NGEF: variants seen among roughly 807,000 people sequenced by gnomAD.
The protein encoded by NGEF is ephexin-1.
In NGEF, 31 loss-of-function variants were observed where a neutral mutation model predicts 80.9. The ratio of observed to expected loss-of-function variants is 0.38; its 90% CI spans 0.29 to 0.52. NGEF has a LOEUF of 0.52. Ranked by LOEUF, NGEF falls within the 20% of genes least tolerant of loss-of-function variation. The pLI, the probability that NGEF is intolerant of heterozygous loss-of-function variation, is 0.84. For synonymous variants in NGEF, 371 were observed against 370.2 expected, an observed-to-expected ratio of 1.00 and a Z score of -0.03; for missense variants, 709 against 926.2, an observed-to-expected ratio of 0.77 and a Z score of 3.04.
chr2:232,972,417 A>G lies in NGEF; in HGVS notation c.269-2089T>C, dbSNP rs149419251. 2.9e-3 allele frequency among the ~76,000 whole-genome samples: 439 copies of G among 152,330 alleles called. 6 individuals are homozygous for G. The highest frequency in any genetic ancestry group is 0.02 in the East Asian group (102 of 5,194). On this transcript the variant is annotated intron_variant, in intron 2 of 14. Transcript: ENST00000264051. ...TCACCCATTTATTTGTACTTTTTAAATGTGGCCACTGGAAAATTTAAAATG... is the reference window on the plus strand; with the variant it reads ...TCACCCATTTATTTGTACTTTTTAAGTGTGGCCACTGGAAAATTTAAAATG...
intron 3 of NGEF, among the ~76,000 whole-genome samples, chr2:232,966,762 G>A (rs1210565463): frequency 6.6e-6 from 1 of 152,112 alleles, no homozygotes; most frequent in African/African-American, 2.4e-5. Context: ...TACTACCAGG[G>A]CCCTTCCTTG....
intron 1 of NGEF, among the ~76,000 whole-genome samples, chr2:232,994,980 A>G (rs189598781): frequency 1.6e-5 from 2 of 121,232 alleles, no homozygotes; most frequent in African/African-American, 5.4e-5. Context: ...GTACATATAC[A>G]TATATGTATA....
At chr2:232,970,388 T>A in intron 2 of NGEF, 60 bp from the exon 3 acceptor site, 1 of 1,125,166 alleles carries the variant, frequency 8.9e-7, no homozygotes. Context: ...TTCAGGCAAT[T>A]CTCTGTAAGC....
chr2:232,968,105 T>TTTTTTTTTTTTTTTTTTTTTTA (rs1694102814), intron 3 of NGEF, among the ~76,000 whole-genome samples: 1 of 151,072 alleles, frequency 6.6e-6, no homozygotes, highest in African/African-American at 2.5e-5. Flanking sequence ...TTTTTTTTTT[T>TTTTTTTTTTTTTTTTTTTTTTA]GAGACAAAGT....
At chr2:232,945,267 T>C (rs549722498) in intron 3 of NGEF, among the ~76,000 whole-genome samples, 1 of 152,206 alleles carries the variant, frequency 6.6e-6, no homozygotes, top group African/African-American at 2.4e-5. Context: ...AGGTCTATTC[T>C]AGGACTAAAA....
intron 1 of NGEF, among the ~76,000 whole-genome samples, chr2:232,988,023 G>T (rs1025105987): frequency 2.7e-5 from 4 of 146,852 alleles, no homozygotes; most frequent in African/African-American, 1.0e-4. Flanking sequence ...CACCCTTCTG[G>T]AAGGGATGGT....
At chr2:232,974,466 T>G (rs1316834587) in intron 2 of NGEF, among the ~76,000 whole-genome samples, 157 bp downstream of exon 2, 1 of 152,228 alleles carries the variant, frequency 6.6e-6, no homozygotes. Context: ...GAATTTGGGT[T>G]CTTTAGATAA....
At chr2:232,928,367 G>A (rs1442720781) in intron 3 of NGEF, among the ~76,000 whole-genome samples, 7 of 151,518 alleles carry the variant, frequency 4.6e-5, no homozygotes, top group Non-Finnish European at 8.8e-5. Context: ...ACCCGGAGAG[G>A]GGCAGAGCTG....
At chr2:232,886,141 C>CTG (rs59839562) in intron 9 of NGEF, among the ~76,000 whole-genome samples, 11 of 97,940 alleles carry the variant, frequency 1.1e-4, no homozygotes, top group Admixed American at 2.2e-4. Context: ...GCAGTGTGTG[C>CTG]TGTGTATGCA....
At chr2:232,890,819 C>A in intron 8 of NGEF, 1 of 444,098 alleles carries the variant, frequency 2.3e-6, no homozygotes. Flanking sequence ...TGACTCCCAT[C>A]ACACTGAGGA....
rs749593634 is a variant in NGEF, at chr2:232,974,922, G to A, written c.-32C>T. ...AGAGCCAGATGTTTCTCAGCAGAAC[G>A]ACTGGAGGTCAATGACTTTCCCAAG... is the stretch of plus-strand genomic sequence containing the variant. On this transcript the variant is annotated 5_prime_UTR_variant, in exon 2 of 15. Transcript: ENST00000264051. 7 of 1,598,328 alleles carry A rather than the reference G, an allele frequency of 4.4e-6. No individual in the cohort carries two copies. Among genetic ancestry groups the A allele is most frequent in the East Asian group, 4.5e-5 (2 of 44,784 alleles).
In NGEF at chr2:232,920,564, C is replaced by T. The variant is rs756180289; in HGVS notation, c.548G>A (p.Arg183Gln). 7.2e-6 allele frequency: 11 copies of T among 1,527,598 alleles called. No individual in the cohort carries two copies. The highest frequency in any genetic ancestry group is 6.9e-5 in the East Asian group (3 of 43,540). 94.6% of individuals were successfully genotyped at this position (1,527,598 alleles called of 1,614,324 possible). ...GATTTCTTGGAGAGTCGATTTATCT[C>T]GGTATTCCTGATACAGGAGCCCTGA... is the stretch of plus-strand genomic sequence containing the variant. ...EQIGLLYQEYRDKSTLQEIET... is the reference protein window; with the variant it reads ...EQIGLLYQEYQDKSTLQEIET... The change falls in exon 5 of 15, where the codon CGA becomes CAA. Residue 183 changes from arginine (R) to glutamine (Q), a missense_variant. Coordinates refer to ENST00000264051, the MANE Select transcript of NGEF (RefSeq NM_019850.3).
At chr2:232,926,724 C>T (rs1015223406) in intron 4 of NGEF, among the ~76,000 whole-genome samples, 1 of 152,176 alleles carries the variant, frequency 6.6e-6, no homozygotes, top group Admixed American at 6.5e-5. Context: ...AGCTCAGCCG[C>T]GCTGCTTCAT....
At chr2:232,983,445 G>T (rs1694478148) in intron 1 of NGEF, among the ~76,000 whole-genome samples, 2 of 151,960 alleles carry the variant, frequency 1.3e-5, no homozygotes, top group Admixed American at 1.3e-4. Context: ...CCCTCCTGAG[G>T]ATGGAAATAC....
At chr2:232,907,174 G>GAAAA (rs1559204407) in intron 5 of NGEF, among the ~76,000 whole-genome samples, 2 of 33,064 alleles carry the variant, frequency 6.0e-5, no homozygotes, top group African/African-American at 1.0e-4. Flanking sequence ...AAAAAAAAAA[G>GAAAA]AAAAGAAAAA....
At chr2:232,958,482 A>G (rs1693879527) in intron 3 of NGEF, among the ~76,000 whole-genome samples, 2 of 152,188 alleles carry the variant, frequency 1.3e-5, no homozygotes, top group African/African-American at 4.8e-5. Context: ...TTACTCATTC[A>G]TCAATCATTT....
At chr2:232,988,073 G>GTGTGTGTGTGTT (rs1694571984) in intron 1 of NGEF, among the ~76,000 whole-genome samples, 1 of 151,382 alleles carries the variant, frequency 6.6e-6, no homozygotes, top group Non-Finnish European at 1.5e-5. Context: ...GTGTGTGTGT[G>GTGTGTGTGTGTT]TGTGTGTGTG....
At chr2:232,894,429 TAA>T (rs949629838) in intron 6 of NGEF, among the ~76,000 whole-genome samples, 6 of 152,192 alleles carry the variant, frequency 3.9e-5, no homozygotes, top group Non-Finnish European at 8.8e-5. Flanking sequence ...CTGCCTGGTT[TAA>T]ACCTGTCCAA....
At chr2:232,961,806 A>G (rs936387512) in intron 3 of NGEF, among the ~76,000 whole-genome samples, 2 of 152,224 alleles carry the variant, frequency 1.3e-5, no homozygotes, top group Admixed American at 1.3e-4. Flanking sequence ...CACAAAAAAG[A>G]GTCCCCAGTG....
Sources: gnomAD v4.1 joint callset for allele counts (sites outside exome capture counted in the v4.1 genomes callset) on GRCh38, gnomAD v4.1.1 for gene constraint, MANE v1.5 for transcripts, NCBI Gene and HGNC (gene_info 2026-07-23, HGNC 2026-07-21) for gene names.